The following EMP1 variants were observed in gnomAD, a reference collection of about 807,000 sequenced individuals.
EMP1 encodes the protein tumor-associated membrane protein.
Under a neutral mutation model 15.7 loss-of-function variants are expected in EMP1, and 5 were observed. The observed-to-expected ratio is 0.32, with a 90% CI of 0.17 to 0.67. The LOEUF is 0.67. EMP1 is among the 30% of genes least tolerant of loss of function. The pLI, the probability that EMP1 is intolerant of heterozygous loss-of-function variation, is 0.74. For missense variants in EMP1, 166 were observed against 194.2 expected (o/e 0.85, Z 0.86); for synonymous variants, 78 against 76.7 (o/e 1.02, Z -0.09).
At chr12:13,206,316 A>C (rs1372948943) in intron 1 of EMP1, among the ~76,000 whole-genome samples, 1 of 152,198 alleles carries the variant, frequency 6.6e-6, no homozygotes, top group Non-Finnish European at 1.5e-5. Context: ...CTTCTCAGAA[A>C]GCTCTCTCGT....
At chr12:13,210,936 T>TA (rs1864159619) in intron 1 of EMP1, among the ~76,000 whole-genome samples, 2 of 152,358 alleles carry the variant, frequency 1.3e-5, no homozygotes, top group Admixed American at 1.3e-4. Flanking sequence ...AGGATCATAT[T>TA]AGTAGCCTAT....
rs561332299 is a variant in EMP1, at chr12:13,211,492, C to CAA, written c.-10_-9dup. 11 of 1,359,784 alleles carry CAA rather than the reference C, an allele frequency of 8.1e-6. No homozygotes were observed. The Admixed American group carries it at 1.8e-4, about 22-fold the overall frequency. 84.2% of individuals were successfully genotyped at this position (1,359,784 alleles called of 1,614,324 possible). A position where few individuals can be genotyped will look rare whatever the true frequency, so the allele number is the denominator to read the frequency against. On this transcript the variant is annotated 5_prime_UTR_variant, in exon 2 of 5. Coordinates refer to ENST00000256951, the MANE Select transcript of EMP1 (RefSeq NM_001423.3). This position sits in a 1 kb window ranked among gnomAD's most constrained non-coding sequence, Gnocchi z 4.7. ...AGAACTCTCTTTGCTCACAAGTTAC[C>CAA]AAAAAAAAAAGAGCCAACATGTTGG...
chr12:13,197,375 T>C (rs958487662), intron 1 of EMP1, among the ~76,000 whole-genome samples: 45 of 152,244 alleles, frequency 3.0e-4, no homozygotes, highest in African/African-American at 1.0e-3. Context: ...TTTCAGTTTA[T>C]TTTTGACATT....
chr12:13,201,127 T>G (rs1465625624), intron 1 of EMP1, among the ~76,000 whole-genome samples: 2 of 152,184 alleles, frequency 1.3e-5, no homozygotes, highest in Non-Finnish European at 2.9e-5. Flanking sequence ...GGCTCTGAGA[T>G]TCTAAGATTC....
At chr12:13,203,097 C>T (rs1864080606) in intron 1 of EMP1, among the ~76,000 whole-genome samples, 1 of 152,170 alleles carries the variant, frequency 6.6e-6, no homozygotes, top group Non-Finnish European at 1.5e-5. Context: ...AGGCGAGGGG[C>T]CTCCCCTCCC....
rs944290462 is a variant in EMP1, at chr12:13,216,066, A to C, written c.*1375A>C. 7.2e-6 allele frequency: 2 copies of C among 279,172 alleles called. No homozygotes were observed. The highest frequency in any genetic ancestry group is 4.6e-5 in the African/African-American group (2 of 43,884). 17.3% of individuals were successfully genotyped at this position (279,172 alleles called of 1,614,324 possible). A position where few individuals can be genotyped will look rare whatever the true frequency, so the allele number is the denominator to read the frequency against. Reference sequence around the variant, plus strand: ...TGTCTGCTGCCGCAGGAGCACCTCTATACAGGACTTAGAAGTAGTATGTTA... The same window carrying C: ...TGTCTGCTGCCGCAGGAGCACCTCTCTACAGGACTTAGAAGTAGTATGTTA... On this transcript the variant is annotated 3_prime_UTR_variant, in exon 5 of 5. Transcript: ENST00000256951.
rs890319231 is a variant in EMP1 at position 13,219,229 on chromosome 12, G to C, written c.*4538G>C. ...CGGGGCAGGGAGGGCCAGAACACTA[G>C]CATAAGATGTCAATATGTCTATCCA... On this transcript the variant is annotated 3_prime_UTR_variant, in exon 5 of 5. Transcript: ENST00000256951. The C allele has an allele frequency of 6.6e-6, 1 of 152,210 alleles. No individual in the cohort carries two copies. The highest frequency in any genetic ancestry group is 2.4e-5 in the African/African-American group (1 of 41,430). 9.4% of individuals were successfully genotyped at this position (152,210 alleles called of 1,614,324 possible).
At chr12:13,212,586 A>G (rs1233180775) in intron 2 of EMP1, among the ~76,000 whole-genome samples, 1 of 152,250 alleles carries the variant, frequency 6.6e-6, no homozygotes, top group Admixed American at 6.5e-5. Flanking sequence ...ATCCAGATAA[A>G]TCTGATAAGC....
Position 13,213,465 on chromosome 12 carries a change from C to T in EMP1, c.79-14C>T, listed in dbSNP as rs754437545. The T allele has an allele frequency of 4.3e-6, 7 of 1,611,766 alleles. No homozygotes were observed. Among genetic ancestry groups the T allele is most frequent in the African/African-American group, 1.3e-5 (1 of 74,870 alleles). On this transcript the variant is annotated splice_polypyrimidine_tract_variant and intron_variant, in intron 2 of 4. Transcript: ENST00000256951. ...CCAGCTTTCAATTAACATTTTCTTT[C>T]CTTCTGGTTTCAGGTCTGGTTGGTT...
chr12:13,212,814 G>A (rs1864177812), intron 2 of EMP1, among the ~76,000 whole-genome samples: 1 of 152,188 alleles, frequency 6.6e-6, no homozygotes, highest in Non-Finnish European at 1.5e-5. Flanking sequence ...TCCTTTTCTT[G>A]GGCCAGGCAG....
At chr12:13,213,614 G>A (rs773551996) in intron 3 of EMP1, 39 bp downstream of exon 3, 10 of 1,613,976 alleles carry the variant, frequency 6.2e-6, no homozygotes, top group Middle Eastern at 1.7e-4. Context: ...GACAATAGGT[G>A]TGGTCAGGGA....
intron 1 of EMP1, among the ~76,000 whole-genome samples, chr12:13,206,956 TGTGTGTGG>T (rs142861675): frequency 7.8e-6 from 1 of 127,578 alleles, no homozygotes; most frequent in African/African-American, 2.8e-5. Flanking sequence ...TGTGTGTGTG[TGTGTGTGG>T]TGTGTAAGAG....
chr12:13,198,728 A>C (rs1864036032), intron 1 of EMP1, among the ~76,000 whole-genome samples: 1 of 152,248 alleles, frequency 6.6e-6, no homozygotes, highest in Admixed American at 6.5e-5. Context: ...AACCATCATG[A>C]ACTGCATTAT....
intron 1 of EMP1, among the ~76,000 whole-genome samples, chr12:13,198,461 T>C (rs1864034046): frequency 6.6e-6 from 1 of 152,230 alleles, no homozygotes; most frequent in African/African-American, 2.4e-5. Context: ...CAACCCTGTG[T>C]TGAGCAGGCA....
chr12:13,202,222 C>T (rs950370764), intron 1 of EMP1, among the ~76,000 whole-genome samples: 3 of 152,152 alleles, frequency 2.0e-5, no homozygotes, highest in East Asian at 1.9e-4. Flanking sequence ...GGTCAAAATT[C>T]GATTCTTTGT....
intron 2 of EMP1, among the ~76,000 whole-genome samples, chr12:13,212,166 C>T (rs2121160290): frequency 6.6e-6 from 1 of 152,040 alleles, no homozygotes; most frequent in African/African-American, 2.4e-5. Flanking sequence ...TGGAGTTTTG[C>T]AAGATTAACC....
chr12:13,202,218 A>AAGG (rs1399570030), intron 1 of EMP1, among the ~76,000 whole-genome samples: 2 of 152,158 alleles, frequency 1.3e-5, no homozygotes, highest in African/African-American at 4.8e-5. Flanking sequence ...CTTCGGTCAA[A>AAGG]ATTCGATTCT....
rs747647491 is a variant in EMP1, at chr12:13,214,527, C to G, written c.317-7C>G. ...AACACACCGACAAATCTCCTTTTCC[C>G]CTGCAGGGCTGTGCATTCTTGTGGG... On this transcript the variant is annotated splice_region_variant and splice_polypyrimidine_tract_variant and intron_variant, in intron 4 of 4. Coordinates refer to ENST00000256951, the MANE Select transcript of EMP1 (RefSeq NM_001423.3). The G allele has an allele frequency of 1.2e-6, 2 of 1,609,744 alleles. No homozygotes were observed. The highest frequency in any genetic ancestry group is 2.2e-5 in the South Asian group (2 of 90,202).
At chr12:13,206,205 A>G (rs1864109404) in intron 1 of EMP1, among the ~76,000 whole-genome samples, 3 of 152,262 alleles carry the variant, frequency 2.0e-5, no homozygotes, top group African/African-American at 7.2e-5. Flanking sequence ...GGGGAAGGGA[A>G]GATAGGACAT....
Sources: allele counts gnomAD v4.1 joint callset (sites outside exome capture counted in the v4.1 genomes callset), GRCh38; gene constraint gnomAD v4.1.1; non-coding constraint Gnocchi (gnomAD v3.1); transcripts MANE v1.5; gene names NCBI Gene and HGNC (gene_info 2026-07-23, HGNC 2026-07-21).